Variants in ARHGAP25 observed in about 807,000 individuals in gnomAD.
ARHGAP25 encodes the protein Rho GTPase activating protein 25, also known as rho GTPase-activating protein 25.
A neutral mutation model predicts 71.0 loss-of-function variants in ARHGAP25; 34 were observed. The ratio of observed to expected loss-of-function variants is 0.48; its 90% CI spans 0.36 to 0.64. ARHGAP25 has a LOEUF of 0.64. ARHGAP25 is among the 30% of genes least tolerant of loss of function. ARHGAP25 has a pLI of 0.00. For missense variants in ARHGAP25, 706 were observed against 805.1 expected (o/e 0.88, Z 1.49); for synonymous variants, 282 against 296.5 (o/e 0.95, Z 0.50).
chr2:68,785,862 G>A (rs1017838994), intron 3 of ARHGAP25, among the ~76,000 whole-genome samples: 2 of 152,194 alleles, frequency 1.3e-5, no homozygotes, highest in Non-Finnish European at 2.9e-5. Flanking sequence ...CTGTGTTTAA[G>A]TCAGATAAAT....
chr2:68,727,169 T>A (rs2104264163), intron 2 of ARHGAP25, among the ~76,000 whole-genome samples: 1 of 152,204 alleles, frequency 6.6e-6, no homozygotes, highest in South Asian at 2.1e-4. Flanking sequence ...ACTGGTTGAG[T>A]GCGTCTGCAA....
intron 2 of ARHGAP25, among the ~76,000 whole-genome samples, chr2:68,710,936 C>G (rs1025221866): frequency 3.3e-5 from 5 of 152,180 alleles, no homozygotes; most frequent in Admixed American, 3.3e-4. Context: ...CTAGTGTGGA[C>G]TCACCTTATA....
chr2:68,772,067 T>C (rs1677523281), intron 1 of ARHGAP25, among the ~76,000 whole-genome samples: 3 of 152,280 alleles, frequency 2.0e-5, no homozygotes, highest in Non-Finnish European at 4.4e-5. Context: ...GTTTTTCTTA[T>C]AGTTGTTTTT....
upstream of ARHGAP25, among the ~76,000 whole-genome samples, chr2:68,733,548 GAGA>G (rs548074187): frequency 1.3e-3 from 205 of 152,262 alleles, 1 homozygote; most frequent in Non-Finnish European, 1.5e-3. Context: ...ATCAAAGAGA[GAGA>G]AGAAATTGAT....
chr2:68,772,335 T>TG (rs1677540539), intron 1 of ARHGAP25, among the ~76,000 whole-genome samples: 1 of 152,224 alleles, frequency 6.6e-6, no homozygotes, highest in Non-Finnish European at 1.5e-5. Flanking sequence ...CCCTCACTCC[T>TG]GAGTTGGCTC....
chr2:68,804,022 C>A (rs1363213055), intron 4 of ARHGAP25, among the ~76,000 whole-genome samples: 4 of 151,532 alleles, frequency 2.6e-5, no homozygotes, highest in South Asian at 2.1e-4. Context: ...AGCAGCAGGG[C>A]GGGGATGTTG....
intron 2 of ARHGAP25, among the ~76,000 whole-genome samples, chr2:68,713,470 C>T (rs1035665310): frequency 1.3e-5 from 2 of 152,146 alleles, no homozygotes; most frequent in Admixed American, 6.6e-5. Flanking sequence ...TTGACTTCCT[C>T]TCTTCCTATT....
rs1230565931 is a variant in ARHGAP25 at position 68,813,568 on chromosome 2, C to T, written c.807+149C>T. ...TCCTCAGCAACAAAAGGTATATGAA[C>T]TCAATCATAATGACTGGCAAACCAC... On this transcript the variant is annotated intron_variant, in intron 6 of 10. Coordinates refer to ENST00000409202, the MANE Select transcript of ARHGAP25 (RefSeq NM_001007231.3). 6 of 854,346 alleles carry T rather than the reference C, an allele frequency of 7.0e-6. No homozygotes were observed. In the East Asian group the frequency reaches 1.7e-4, roughly 24 times the overall value. The allele number at this position is 854,346 out of a possible 1,614,324, so 52.9% of individuals were successfully genotyped here. A position where few individuals can be genotyped will look rare whatever the true frequency, so the allele number is the denominator to read the frequency against.
intron 1 of ARHGAP25, among the ~76,000 whole-genome samples, chr2:68,736,437 T>C (rs771671165): frequency 2.0e-5 from 3 of 152,232 alleles, no homozygotes; most frequent in African/African-American, 4.8e-5. Flanking sequence ...ACTTGGCTAA[T>C]GCTCAATCTA....
chr2:68,755,792 A>G (rs1174778519), intron 1 of ARHGAP25, among the ~76,000 whole-genome samples: 2 of 152,230 alleles, frequency 1.3e-5, no homozygotes, highest in East Asian at 3.8e-4. Context: ...TTGAAAGAGG[A>G]AAAATTTGAT....
intron 4 of ARHGAP25, among the ~76,000 whole-genome samples, chr2:68,800,481 C>T (rs1679886446): frequency 6.6e-6 from 1 of 151,938 alleles, no homozygotes; most frequent in Admixed American, 6.6e-5. Context: ...TGTGGTTGTT[C>T]AGGATGGGGT....
intron 2 of ARHGAP25, among the ~76,000 whole-genome samples, chr2:68,728,430 C>A (rs1170745794): frequency 6.6e-6 from 1 of 152,032 alleles, no homozygotes; most frequent in Non-Finnish European, 1.5e-5. Flanking sequence ...TTTGGTGGTT[C>A]CTCAAAAATT....
At chr2:68,710,713 C>G (rs1413683302) in intron 2 of ARHGAP25, 1 of 152,196 alleles carries the variant, frequency 6.6e-6, no homozygotes, top group East Asian at 1.9e-4. Flanking sequence ...GTGACAGCTC[C>G]TTCTCAGAAG....
chr2:68,787,873 C>A lies in ARHGAP25; in HGVS notation c.383C>A (p.Ser128Tyr), dbSNP rs773873614. The A allele has an allele frequency of 6.2e-7, 1 of 1,614,218 alleles. No homozygotes were observed. Among genetic ancestry groups the A allele is most frequent in the Admixed American group, 1.7e-5 (1 of 60,036 alleles). Reference sequence around the variant, plus strand: ...GACCAGAATCGCATGGGACAGGACTCCTATGTCCTCATGGCCAGCTCTCAG... The same window carrying A: ...GACCAGAATCGCATGGGACAGGACTACTATGTCCTCATGGCCAGCTCTCAG... ...SWDQNRMGQDSYVLMASSQAE... is the reference protein window; with the variant it reads ...SWDQNRMGQDYYVLMASSQAE... The change falls in exon 4 of 11, where the codon TCC (serine) becomes TAC (tyrosine). Residue 128 changes from serine to tyrosine, a missense_variant. Ser to Tyr is a moderately radical substitution (Grantham distance 144). Coordinates refer to ENST00000409202, the MANE Select transcript of ARHGAP25 (RefSeq NM_001007231.3).
At chr2:68,752,413 T>C (rs1386539430) in intron 1 of ARHGAP25, among the ~76,000 whole-genome samples, 1 of 152,074 alleles carries the variant, frequency 6.6e-6, no homozygotes, top group Admixed American at 6.5e-5. Flanking sequence ...AACCTTTTAT[T>C]TGATAGTAGG....
chr2:68,731,026 T>C (rs146659470), upstream of ARHGAP25, among the ~76,000 whole-genome samples: 1 of 152,172 alleles, frequency 6.6e-6, no homozygotes, highest in Non-Finnish European at 1.5e-5. Context: ...CATTGGAGGA[T>C]TAGGCTGGGT....
At chr2:68,744,679 T>C (rs959538393) in intron 1 of ARHGAP25, among the ~76,000 whole-genome samples, 5 of 152,212 alleles carry the variant, frequency 3.3e-5, no homozygotes, top group Non-Finnish European at 7.3e-5. Flanking sequence ...TACATGTTCA[T>C]TCAAGTCTAT....
At chr2:68,757,629 T>A (rs1676561404) in intron 1 of ARHGAP25, 1 of 152,186 alleles carries the variant, frequency 6.6e-6, no homozygotes, top group Non-Finnish European at 1.5e-5. Flanking sequence ...TTTTTACTTG[T>A]CTTTGCAGTA....
At chr2:68,713,298 G>T (rs1263104193) in intron 2 of ARHGAP25, among the ~76,000 whole-genome samples, 8 of 152,016 alleles carry the variant, frequency 5.3e-5, no homozygotes, top group Admixed American at 5.2e-4. Flanking sequence ...TCATGATTTG[G>T]TCCTCCATCT....
Sources: allele counts gnomAD v4.1 joint callset (sites outside exome capture counted in the v4.1 genomes callset), GRCh38; gene constraint gnomAD v4.1.1; transcripts MANE v1.5; gene names NCBI Gene and HGNC (gene_info 2026-07-23, HGNC 2026-07-21).